SIPA1L2: variants seen among roughly 807,000 people sequenced by gnomAD.
SIPA1L2 encodes the protein signal induced proliferation associated 1 like 2, also known as signal-induced proliferation-associated 1-like protein 2.
In SIPA1L2, 56 loss-of-function variants were observed where a neutral mutation model predicts 163.9. That is an observed-to-expected ratio of 0.34 (90% CI 0.28 to 0.43). The LOEUF is 0.43. Among genes scored for constraint, SIPA1L2 ranks in the 20% least tolerant of loss-of-function variants. The pLI, the probability that SIPA1L2 is intolerant of heterozygous loss-of-function variation, is 1.00. For missense variants in SIPA1L2, 1,974 were observed against 2,193.5 expected, an observed-to-expected ratio of 0.90 and a Z score of 2.00; for synonymous variants, 877 against 865.7, an observed-to-expected ratio of 1.01 and a Z score of -0.23.
rs755066103 is a variant in SIPA1L2, at chr1:232,425,825, G to C, written c.4411-17C>G. On this transcript the variant is annotated splice_polypyrimidine_tract_variant and intron_variant, in intron 17 of 22. Transcript: ENST00000674635. Reference sequence around the variant, plus strand: ...GAACGAAAACTAGGGTTTAAACAAGGTGCGAGGAGGGAACAGACATTAAAA... The same window carrying C: ...GAACGAAAACTAGGGTTTAAACAAGCTGCGAGGAGGGAACAGACATTAAAA... 6.2e-7 allele frequency: 1 copy of C among 1,606,820 alleles called. No individual in the cohort carries two copies. Among genetic ancestry groups the C allele is most frequent in the Non-Finnish European group, 8.5e-7 (1 of 1,174,458 alleles).
intron 3 of SIPA1L2, among the ~76,000 whole-genome samples, chr1:232,510,952 C>T (rs965089240): frequency 1.3e-5 from 2 of 152,168 alleles, no homozygotes; most frequent in African/African-American, 4.8e-5. Flanking sequence ...GCCAGAATGA[C>T]TAATTACCTG....
intron 2 of SIPA1L2, among the ~76,000 whole-genome samples, chr1:232,560,622 ATGTGGGAGG>A (rs1313608219): frequency 6.6e-6 from 1 of 152,210 alleles, no homozygotes; most frequent in Non-Finnish European, 1.5e-5. Context: ...CCTCCTCTGC[ATGTGGGAGG>A]CAGGCCCAGA....
At chr1:232,414,758 A>G (rs933817674) in intron 19 of SIPA1L2, among the ~76,000 whole-genome samples, 10 of 152,160 alleles carry the variant, frequency 6.6e-5, no homozygotes, top group African/African-American at 2.2e-4. Context: ...CAAAGGGCAA[A>G]ACGTCATAAG....
At chr1:232,447,839 C>G (rs1663308611) in intron 10 of SIPA1L2, among the ~76,000 whole-genome samples, 1 of 152,160 alleles carries the variant, frequency 6.6e-6, no homozygotes, top group Non-Finnish European at 1.5e-5. Flanking sequence ...GATAAATAAG[C>G]TTTAACAGAT....
intron 1 of SIPA1L2, among the ~76,000 whole-genome samples, chr1:232,623,862 C>T (rs980162882): frequency 3.2e-4 from 49 of 152,080 alleles, no homozygotes; most frequent in African/African-American, 1.1e-3. Flanking sequence ...CTACAGGCTC[C>T]CTAGAAATTC....
intron 1 of SIPA1L2, among the ~76,000 whole-genome samples, chr1:232,613,210 A>G (rs995395554): frequency 7.2e-5 from 11 of 152,178 alleles, no homozygotes; most frequent in African/African-American, 1.7e-4. Context: ...GCAGCACGAA[A>G]ACAGACTAAT....
chr1:232,480,788 C>T (rs1305799936), intron 6 of SIPA1L2, among the ~76,000 whole-genome samples: 2 of 152,190 alleles, frequency 1.3e-5, no homozygotes, highest in African/African-American at 4.8e-5. Flanking sequence ...GGGGAAACCT[C>T]TAAGTAGTCA....
chr1:232,515,194 G>T lies in SIPA1L2; in HGVS notation c.146C>A (p.Thr49Asn). Residue 49 changes from threonine (T) to asparagine (N), a missense_variant, in exon 3 of 23, where the codon ACT becomes AAT. Coordinates refer to ENST00000674635, the MANE Select transcript of SIPA1L2 (RefSeq NM_020808.5). Reference sequence around the variant, plus strand: ...ATTGGAATTCGAGGCATTTAAAGAAGTAGTGGGTCCCATGTTGCCATTAAT... The same window carrying T: ...ATTGGAATTCGAGGCATTTAAAGAATTAGTGGGTCCCATGTTGCCATTAAT... ...KAINGNMGPT[T>N]SLNASNSNET... 1 of 1,614,194 alleles carries T rather than the reference G, an allele frequency of 6.2e-7. No homozygotes were observed. The highest frequency in any genetic ancestry group is 1.7e-5 in the Admixed American group (1 of 60,020).
At chr1:232,415,063 C>A (rs140848221) in intron 19 of SIPA1L2, among the ~76,000 whole-genome samples, 1 of 152,208 alleles carries the variant, frequency 6.6e-6, no homozygotes, top group East Asian at 1.9e-4. Context: ...TCTGTGTTTA[C>A]GCCAGGTGAA....
At chr1:232,434,841 T>TA (rs1440940400) in intron 15 of SIPA1L2, among the ~76,000 whole-genome samples, 3 of 151,624 alleles carry the variant, frequency 2.0e-5, no homozygotes, top group Non-Finnish European at 4.4e-5. Flanking sequence ...GCTGCAAGCC[T>TA]AAAGACATCA....
At chr1:232,627,422 C>G (rs1017120098) in intron 1 of SIPA1L2, among the ~76,000 whole-genome samples, 1 of 152,134 alleles carries the variant, frequency 6.6e-6, no homozygotes, top group South Asian at 2.1e-4. Context: ...TAATAACCCG[C>G]TTCTCCTTTG....
chr1:232,444,836 C>A lies in SIPA1L2; in HGVS notation c.3353+693G>T, dbSNP rs181416425. Reference sequence around the variant, plus strand: ...AGTCCGTGGTCTATCAGACCAGAGCCTGACAAGTCATAATTGAGAAAACTC... The same window carrying A: ...AGTCCGTGGTCTATCAGACCAGAGCATGACAAGTCATAATTGAGAAAACTC... On this transcript the variant is annotated intron_variant, in intron 11 of 22. Coordinates refer to ENST00000674635, the MANE Select transcript of SIPA1L2 (RefSeq NM_020808.5). Among the ~76,000 whole-genome samples the A allele has an allele frequency of 9.9e-5, 15 of 152,244 alleles. No homozygotes were observed. The East Asian group carries it at 2.9e-3, about 29-fold the overall frequency.
chr1:232,534,671 A>G (rs1041333419), intron 2 of SIPA1L2, among the ~76,000 whole-genome samples: 2 of 152,198 alleles, frequency 1.3e-5, no homozygotes, highest in South Asian at 2.1e-4. Flanking sequence ...TCAGCAGCAC[A>G]CTGTGTCCCA....
At position 232,515,453 on chromosome 1, in the gene SIPA1L2, A is replaced by AT. The variant is rs1667180299; in HGVS notation, c.-115dup. 2 of 1,195,082 alleles carry AT rather than the reference A, an allele frequency of 1.7e-6. No individual in the cohort carries two copies. Among genetic ancestry groups the AT allele is most frequent in the African/African-American group, 1.5e-5 (1 of 65,368 alleles). The allele number at this position is 1,195,082 out of a possible 1,614,324, so 74.0% of individuals were successfully genotyped here. A position where few individuals can be genotyped will look rare whatever the true frequency, so the allele number is the denominator to read the frequency against. On this transcript the variant is annotated 5_prime_UTR_variant, in exon 3 of 23. Transcript: ENST00000674635. ...ATATAAAGGCTTTGTCTGTAGTTGT[A>AT]TTTTTTCTTTTCTTAGCCCAAAGCA...
At chr1:232,623,293 T>C (rs1243888842) in intron 1 of SIPA1L2, among the ~76,000 whole-genome samples, 1 of 152,214 alleles carries the variant, frequency 6.6e-6, no homozygotes, top group Non-Finnish European at 1.5e-5. Context: ...CTGAGTGTGA[T>C]AGTATGATGC....
At chr1:232,404,007 T>G in intron 20 of SIPA1L2, 118 bp downstream of exon 20, 1 of 1,113,394 alleles carries the variant, frequency 9.0e-7, no homozygotes, top group Non-Finnish European at 1.3e-6. Context: ...AGGACACATG[T>G]CCCGCTGTGC....
chr1:232,569,160 G>A (rs904420174), intron 2 of SIPA1L2, among the ~76,000 whole-genome samples: 6 of 152,290 alleles, frequency 3.9e-5, no homozygotes, highest in Non-Finnish European at 7.4e-5. Flanking sequence ...TCTAAATTTG[G>A]CTGATAGTGT....
intron 2 of SIPA1L2, among the ~76,000 whole-genome samples, chr1:232,521,296 G>A (rs976739716): frequency 1.3e-5 from 2 of 152,114 alleles, no homozygotes; most frequent in African/African-American, 2.4e-5. Flanking sequence ...GCTATTTGGA[G>A]GAATTTCTCA....
At chr1:232,629,835 C>CG (rs1313019127) in intron 1 of SIPA1L2, among the ~76,000 whole-genome samples, 34 bp downstream of exon 1, 3 of 151,974 alleles carry the variant, frequency 2.0e-5, no homozygotes, top group Non-Finnish European at 2.9e-5. Flanking sequence ...AACCGACCCT[C>CG]GCCACGCTGC....
Sources: gnomAD v4.1 joint callset for allele counts (sites outside exome capture counted in the v4.1 genomes callset) on GRCh38, gnomAD v4.1.1 for gene constraint, MANE v1.5 for transcripts, NCBI Gene and HGNC (gene_info 2026-07-23, HGNC 2026-07-21) for gene names.